Variants in TRPC4AP observed in about 807,000 individuals in gnomAD.
TRPC4AP encodes the protein transient receptor potential cation channel subfamily C member 4 associated protein.
In TRPC4AP, 45 loss-of-function variants were observed where a neutral mutation model predicts 99.0. That is an observed-to-expected ratio of 0.45 (90% CI 0.36 to 0.58). TRPC4AP has a LOEUF of 0.58. Ranked by LOEUF, TRPC4AP falls within the 20% of genes least tolerant of loss-of-function variation. TRPC4AP has a pLI of 0.00. For synonymous variants in TRPC4AP, 408 were observed against 385.8 expected (o/e 1.06, Z -0.67); for missense variants, 879 against 985.3 (o/e 0.89, Z 1.44).
At position 35,086,871 on chromosome 20, in the gene TRPC4AP, A is replaced by G. The variant is rs1439944680; in HGVS notation, c.168+5743T>C. On this transcript the variant is annotated intron_variant, in intron 1 of 18. Coordinates refer to ENST00000252015, the MANE Select transcript of TRPC4AP (RefSeq NM_015638.3). ...AGCATGGTGAAACCCTGTCTTTACT[A>G]AAAATACAAAAAGTAGCCGGGCATG... 7.9e-5 allele frequency among the ~76,000 whole-genome samples: 12 copies of G among 151,940 alleles called. No individual in the cohort carries two copies. In the East Asian group the frequency reaches 1.9e-3, roughly 25 times the overall value.
intron 8 of TRPC4AP, among the ~76,000 whole-genome samples, chr20:35,023,949 A>G (rs369509109): frequency 4.5e-4 from 69 of 152,328 alleles, no homozygotes; most frequent in African/African-American, 1.6e-3. Flanking sequence ...AAATATTTTC[A>G]AGAAACAGTC....
At chr20:35,050,667 T>A (rs1882345483) in intron 5 of TRPC4AP, among the ~76,000 whole-genome samples, 1 of 150,846 alleles carries the variant, frequency 6.6e-6, no homozygotes, top group Non-Finnish European at 1.5e-5. Flanking sequence ...GAGCCTAGAC[T>A]GTGCAAATGC....
At position 35,010,272 on chromosome 20, in the gene TRPC4AP, G is replaced by A; in HGVS notation, c.1426C>T (p.Leu476Phe). 4.3e-6 allele frequency: 7 copies of A among 1,614,212 alleles called. No individual in the cohort carries two copies. Among genetic ancestry groups the A allele is most frequent in the Non-Finnish European group, 5.9e-6 (7 of 1,180,020 alleles). The stretch of plus-strand genomic sequence containing the variant: ...AGTTCATTCAGCTCCTGGTTGTTGA[G>A]TAACAAGTACTTGTTCCTGAAACAA... ...SDHHENKYLL[L>F]NNQELNELSA... Residue 476 changes from leucine to phenylalanine, a missense_variant, in exon 12 of 19, where the codon CTC becomes TTC. Physicochemically the swap from Leu to Phe is conservative, Grantham distance 22. This residue lies in a region of TRPC4AP where 603 missense variants were observed against 631.8 expected (regional missense o/e 0.95). Coordinates refer to ENST00000252015, the MANE Select transcript of TRPC4AP (RefSeq NM_015638.3).
At chr20:35,024,330 C>T (rs2082966431) in intron 8 of TRPC4AP, among the ~76,000 whole-genome samples, 1 of 152,150 alleles carries the variant, frequency 6.6e-6, no homozygotes, top group African/African-American at 2.4e-5. Context: ...CACCAAACTC[C>T]TTAGCTCTAG....
At chr20:35,050,891 G>A (rs924520202) in intron 5 of TRPC4AP, among the ~76,000 whole-genome samples, 2 of 152,022 alleles carry the variant, frequency 1.3e-5, no homozygotes, top group African/African-American at 4.8e-5. Context: ...CAGCTACCCC[G>A]GAGGCTGAGG....
At chr20:35,081,197 T>C (rs1322018056) in intron 1 of TRPC4AP, among the ~76,000 whole-genome samples, 3 of 152,142 alleles carry the variant, frequency 2.0e-5, no homozygotes, top group African/African-American at 7.2e-5. Context: ...TAAATCTAAA[T>C]ATGCTAAAAT....
At chr20:35,084,618 TTATATGCATATATGTG>T in intron 1 of TRPC4AP, among the ~76,000 whole-genome samples, 1 of 121,576 alleles carries the variant, frequency 8.2e-6, no homozygotes, top group Non-Finnish European at 1.7e-5. Context: ...GTATATATGT[TTATATGCATATATGTG>T]TATATGTATG....
chr20:35,013,798 A>G (rs6119559), intron 10 of TRPC4AP, among the ~76,000 whole-genome samples: 109,584 of 151,996 alleles, frequency 0.72, 39,891 homozygotes, highest in Middle Eastern at 0.83. Context: ...GTCAGGTCCC[A>G]GTAAAGCCTG....
chr20:35,024,825 C>CAAAAAAAAAAA (rs778161091), intron 8 of TRPC4AP, among the ~76,000 whole-genome samples: 1 of 35,882 alleles, frequency 2.8e-5, no homozygotes, highest in African/African-American at 1.1e-4. Context: ...GAGACCGTCT[C>CAAAAAAAAAAA]AAAAAAAAAA....
intron 7 of TRPC4AP, among the ~76,000 whole-genome samples, chr20:35,043,704 G>C (rs1020621112): frequency 1.3e-5 from 2 of 152,168 alleles, no homozygotes; most frequent in African/African-American, 4.8e-5. Flanking sequence ...GGTACACTAA[G>C]AGATTAACAA....
chr20:35,012,373 A>C (rs527857944), intron 11 of TRPC4AP, among the ~76,000 whole-genome samples: 1 of 152,328 alleles, frequency 6.6e-6, no homozygotes, highest in African/African-American at 2.4e-5. Flanking sequence ...CAGTGGGCCC[A>C]GTTTCCTGTG....
chr20:35,010,249 T>C lies in TRPC4AP; in HGVS notation c.1449A>G (p.Glu483=), dbSNP rs781329922. ...YLLLNNQELN[E]LSAISLKANI... Reference sequence around the variant, plus strand: ...TGGCCTTGAGAGAGATGGCACTGAGTTCATTCAGCTCCTGGTTGTTGAGTA... The same window carrying C: ...TGGCCTTGAGAGAGATGGCACTGAGCTCATTCAGCTCCTGGTTGTTGAGTA... Residue 483 remains glutamate, a synonymous_variant, in exon 12 of 19, where the codon GAA becomes GAG. Transcript: ENST00000252015. The C allele has an allele frequency of 6.2e-7, 1 of 1,614,140 alleles. No homozygotes were observed. Among genetic ancestry groups the C allele is most frequent in the Non-Finnish European group, 8.5e-7 (1 of 1,180,026 alleles).
rs754734088 is a variant in TRPC4AP, at chr20:35,049,973, A to G, written c.550T>C (p.Leu184=). 6.2e-7 allele frequency: 1 copy of G among 1,613,996 alleles called. No homozygotes were observed. The highest frequency in any genetic ancestry group is 2.2e-5 in the East Asian group (1 of 44,862). ...ATCACAAAGTCATTCTTTTCTGCCA[A>G]ACGCTTTGTAACTCCCTCTGTCTGT... The part of the protein sequence containing the change: ...CVCTEGVTKR[L]AEKNDFVIFL... Residue 184 remains leucine (L), a synonymous_variant, in exon 6 of 19, where the codon TTG becomes CTG. Transcript: ENST00000252015.
At chr20:35,050,095 A>ACTG (rs1357756520) in intron 5 of TRPC4AP, 101 bp from the exon 6 acceptor site, 2 of 1,321,628 alleles carry the variant, frequency 1.5e-6, no homozygotes, top group Non-Finnish European at 2.1e-6. Flanking sequence ...TCACCTCTGA[A>ACTG]AACTGGCATG....
chr20:35,049,246 G>T (rs73616616), intron 6 of TRPC4AP, among the ~76,000 whole-genome samples: 1 of 151,156 alleles, frequency 6.6e-6, no homozygotes, highest in Admixed American at 6.6e-5. Flanking sequence ...TTTTCATTTC[G>T]ATCATAGCTG....
intron 1 of TRPC4AP, among the ~76,000 whole-genome samples, chr20:35,084,838 T>C (rs1256779044): frequency 2.0e-5 from 3 of 151,718 alleles, no homozygotes; most frequent in Non-Finnish European, 4.4e-5. Context: ...TTTTTAACAC[T>C]ACAAAAAAAT....
intron 6 of TRPC4AP, 92 bp downstream of exon 6, chr20:35,049,774 C>G (rs1194891047): frequency 7.1e-7 from 1 of 1,403,806 alleles, no homozygotes; most frequent in Non-Finnish European, 9.5e-7. Flanking sequence ...TTAACACTTT[C>G]TTTTAAAAAA....
chr20:35,005,890 C>G, intron 15 of TRPC4AP, 87 bp from the exon 16 acceptor site: 1 of 1,183,030 alleles, frequency 8.5e-7, no homozygotes, highest in Admixed American at 1.8e-5. Flanking sequence ...CAAGGGGCAT[C>G]AGCGACCTCT....
rs1366144822 is a variant in TRPC4AP, at chr20:35,086,523, ATATGTGTG to A, written c.168+6083_168+6090del. On this transcript the variant is annotated intron_variant, in intron 1 of 18. Transcript: ENST00000252015. ...TGTATATATATGTGTGTGTGTGTAT[ATATGTGTG>A]TGTGTGTGTGTGTGTGTGTGTGTGT... Among the ~76,000 whole-genome samples, 191 of 99,138 alleles carry A rather than the reference ATATGTGTG, an allele frequency of 1.9e-3. 10 individuals are homozygous for A. The highest frequency in any genetic ancestry group is 0.012 in the Middle Eastern group (2 of 170). 65.0% of individuals were successfully genotyped at this position (99,138 alleles called of 152,430 possible). A position where few individuals can be genotyped will look rare whatever the true frequency, so the allele number is the denominator to read the frequency against.
Sources: allele counts gnomAD v4.1 joint callset (sites outside exome capture counted in the v4.1 genomes callset), GRCh38; gene constraint gnomAD v4.1.1; regional missense constraint gnomAD v4.1.1; transcripts MANE v1.5; gene names NCBI Gene and HGNC (gene_info 2026-07-23, HGNC 2026-07-21).